IAPP: variants seen among roughly 807,000 people sequenced by gnomAD.
IAPP encodes Islet amyloid polypeptide (diabetes-associated peptide; amylin).
IAPP carries 4 observed loss-of-function variants against 2.9 expected under a neutral mutation model. The ratio of observed to expected loss-of-function variants is 1.39; its 90% CI spans 0.69 to 3.19. The LOEUF (loss-of-function observed/expected upper bound fraction) is 3.19, where lower values mean the gene tolerates loss of function less well. Ranked by LOEUF, IAPP falls within the 30% of genes most tolerant of loss-of-function variation. IAPP has a pLI of 0.01. For synonymous variants in IAPP, 40 were observed against 42.1 expected (o/e 0.95, Z 0.19); for missense variants, 114 against 105.3 (o/e 1.08, Z -0.36).
At chr12:21,365,345 T>C (rs1365044526) in intron 1 of IAPP, among the ~76,000 whole-genome samples, 1 of 152,216 alleles carries the variant, frequency 6.6e-6, no homozygotes, top group East Asian at 1.9e-4. Context: ...GCTAGCCATA[T>C]GTAGAAAGCT....
At chr12:21,371,093 T>C (rs182709883), upstream of IAPP, among the ~76,000 whole-genome samples, 4 of 152,320 alleles carry the variant, frequency 2.6e-5, no homozygotes, top group Non-Finnish European at 2.9e-5. Flanking sequence ...TTTAACTACA[T>C]GCAGATTAAG....
intron 1 of IAPP, among the ~76,000 whole-genome samples, chr12:21,360,925 G>GGCCT (rs1938810495): frequency 6.6e-6 from 1 of 152,176 alleles, no homozygotes; most frequent in Non-Finnish European, 1.5e-5. Flanking sequence ...AGCTCAAGGA[G>GGCCT]GCCTGCCTGC....
At chr12:21,372,579 G>A (rs1373047051), upstream of IAPP, among the ~76,000 whole-genome samples, 1 of 152,078 alleles carries the variant, frequency 6.6e-6, no homozygotes, top group Non-Finnish European at 1.5e-5. Context: ...ATGCACATTT[G>A]TTGTTATCCT....
chr12:21,374,594 A>AG (rs1224323809), intron 2 of IAPP: 6 of 152,206 alleles, frequency 3.9e-5, no homozygotes, highest in African/African-American at 1.4e-4. Context: ...TTTAGTTTAC[A>AG]GGGTGTTCTT....
At chr12:21,372,798 T>G (rs1286775510), upstream of IAPP, 1 of 158,708 alleles carries the variant, frequency 6.3e-6, no homozygotes, top group Admixed American at 6.2e-5. Context: ...GTACTTTCTA[T>G]CTATAGGGAT....
At chr12:21,377,761 A>G (rs1449843519) in intron 2 of IAPP, among the ~76,000 whole-genome samples, 1 of 152,008 alleles carries the variant, frequency 6.6e-6, no homozygotes. Flanking sequence ...CTTGCATAAC[A>G]CTCCTGATTC....
chr12:21,377,821 G>A (rs1382097611), intron 2 of IAPP, among the ~76,000 whole-genome samples: 1 of 151,720 alleles, frequency 6.6e-6, no homozygotes, highest in Admixed American at 6.6e-5. Context: ...TATTCTTATT[G>A]GAAAGATGTA....
intron 2 of IAPP, chr12:21,376,278 T>C (rs12305367): frequency 0.21 from 65,201 of 304,350 alleles, 8,612 homozygotes; most frequent in African/African-American, 0.43. Context: ...TACCTTTGAA[T>C]CTTCTCAATT....
intron 1 of IAPP, among the ~76,000 whole-genome samples, chr12:21,357,404 T>C (rs1400939192): frequency 6.6e-6 from 1 of 152,174 alleles, no homozygotes; most frequent in Non-Finnish European, 1.5e-5. Context: ...GAAAGAGGCA[T>C]GGAACAGCCC....
chr12:21,368,784 TAGAAA>T (rs1939576974), upstream of IAPP, among the ~76,000 whole-genome samples: 1 of 152,094 alleles, frequency 6.6e-6, no homozygotes, highest in Non-Finnish European at 1.5e-5. Flanking sequence ...AAAATGTAAA[TAGAAA>T]AAAGATGTAC....
rs1940461047 is a variant in IAPP, at chr12:21,379,637, C to T, written c.*1211C>T. Reference sequence around the variant, plus strand: ...TGAGTCAGATTCTTATGAATATCTGCTTTTCCCTGACTTTGAGTTAGGTAG... The same window carrying T: ...TGAGTCAGATTCTTATGAATATCTGTTTTTCCCTGACTTTGAGTTAGGTAG... On this transcript the variant is annotated 3_prime_UTR_variant, in exon 3 of 3. Coordinates refer to ENST00000240652, the MANE Select transcript of IAPP (RefSeq NM_000415.3). The T allele has an allele frequency of 6.6e-6, 1 of 152,170 alleles. No individual in the cohort carries two copies. The highest frequency in any genetic ancestry group is 2.4e-5 in the African/African-American group (1 of 41,432). The allele number at this position is 152,170 out of a possible 1,614,324, so 9.4% of individuals were successfully genotyped here. A position where few individuals can be genotyped will look rare whatever the true frequency, so the allele number is the denominator to read the frequency against.
At chr12:21,373,209 A>G (rs901867449) in intron 1 of IAPP, 128 bp from the exon 2 acceptor site, 7 of 688,192 alleles carry the variant, frequency 1.0e-5, no homozygotes, top group Non-Finnish European at 1.8e-5. Flanking sequence ...TGTATCAATA[A>G]AAATTTTGAT....
At chr12:21,370,936 T>A (rs1939740866), upstream of IAPP, among the ~76,000 whole-genome samples, 1 of 152,150 alleles carries the variant, frequency 6.6e-6, no homozygotes, top group Non-Finnish European at 1.5e-5. Context: ...CAGGGGCAAG[T>A]TGGAGGTAGA....
intron 1 of IAPP, among the ~76,000 whole-genome samples, chr12:21,358,865 A>G (rs779982022): frequency 2.1e-4 from 32 of 152,218 alleles, no homozygotes; most frequent in Non-Finnish European, 3.4e-4. Context: ...TGTAATCTAT[A>G]CTTCATTTAA....
chr12:21,366,318 A>G (rs1361925370), intron 1 of IAPP, among the ~76,000 whole-genome samples: 1 of 142,772 alleles, frequency 7.0e-6, no homozygotes, highest in Non-Finnish European at 1.5e-5. Context: ...CAAACACCAC[A>G]TGTTCTCACT....
intron 2 of IAPP, among the ~76,000 whole-genome samples, chr12:21,375,414 T>C (rs1034257769): frequency 2.6e-5 from 4 of 152,198 alleles, no homozygotes; most frequent in Admixed American, 6.5e-5. Flanking sequence ...GGAAAATGTG[T>C]CAAATTTTAA....
intron 1 of IAPP, among the ~76,000 whole-genome samples, chr12:21,363,908 G>A (rs2137059282): frequency 6.6e-6 from 1 of 152,152 alleles, no homozygotes; most frequent in East Asian, 1.9e-4. Flanking sequence ...ATAATTAATA[G>A]CCTACCAACC....
At chr12:21,370,857 C>T (rs116210668), upstream of IAPP, among the ~76,000 whole-genome samples, 112 of 152,244 alleles carry the variant, frequency 7.4e-4, 1 homozygote, top group African/African-American at 2.6e-3. Flanking sequence ...CTGTATTTAA[C>T]GCAGAACAGG....
chr12:21,376,792 C>T (rs1428405656), intron 2 of IAPP, among the ~76,000 whole-genome samples: 4 of 151,988 alleles, frequency 2.6e-5, no homozygotes, highest in Admixed American at 6.6e-5. Flanking sequence ...CATTTGAGTC[C>T]CAGATTATGC....
Sources: gnomAD v4.1 joint callset for allele counts (sites outside exome capture counted in the v4.1 genomes callset) on GRCh38, gnomAD v4.1.1 for gene constraint, MANE v1.5 for transcripts, NCBI Gene and HGNC (gene_info 2026-07-23, HGNC 2026-07-21) for gene names.